GDAP1: variants seen among roughly 807,000 people sequenced by gnomAD.
The protein encoded by GDAP1 is ganglioside induced differentiation associated protein 1, also known as ganglioside-induced differentiation-associated protein 1.
A neutral mutation model predicts 40.1 loss-of-function variants in GDAP1; 34 were observed. That is an observed-to-expected ratio of 0.85 (90% CI 0.64 to 1.13). The LOEUF is 1.13. Among genes scored for constraint, GDAP1 ranks in the 50% most tolerant of loss-of-function variants. The pLI, the probability that GDAP1 is intolerant of heterozygous loss-of-function variation, is 0.00. For missense variants in GDAP1, 374 were observed against 433.7 expected, an observed-to-expected ratio of 0.86 and a Z score of 1.22; for synonymous variants, 170 against 157.4, an observed-to-expected ratio of 1.08 and a Z score of -0.60.
At chr8:74,416,631 C>T (rs1381579898) in intron 2 of GDAP1, among the ~76,000 whole-genome samples, 1 of 150,146 alleles carries the variant, frequency 6.7e-6, no homozygotes, top group Non-Finnish European at 1.5e-5. Flanking sequence ...CTGCCACCCC[C>T]ATCAGAGCTG....
Position 74,422,319 on chromosome 8 carries a change from T to C in GDAP1, c.166-66359T>C, listed in dbSNP as rs1483774965. The stretch of plus-strand genomic sequence containing the variant: ...TTTCTTTCTTTCTTTCTTTCTTTCT[T>C]TCTTTCTTTCTTTCTTTCTTTCTTT... On this transcript the variant is annotated intron_variant, in intron 2 of 2. Coordinates refer to the GDAP1 transcript ENST00000523640. 7.4e-5 allele frequency among the ~76,000 whole-genome samples: 4 copies of C among 54,190 alleles called. 1 individual carries two copies. The highest frequency in any genetic ancestry group is 4.2e-4 in the African/African-American group (4 of 9,546). 35.6% of individuals were successfully genotyped at this position (54,190 alleles called of 152,430 possible). A position where few individuals can be genotyped will look rare whatever the true frequency, so the allele number is the denominator to read the frequency against.
At chr8:74,414,078 C>G (rs1272931930) in intron 2 of GDAP1, among the ~76,000 whole-genome samples, 2 of 150,152 alleles carry the variant, frequency 1.3e-5, no homozygotes. Context: ...CAGAATAGTA[C>G]TGGTTTGTAA....
intron 2 of GDAP1, among the ~76,000 whole-genome samples, chr8:74,371,924 C>G (rs1488172900): frequency 1.3e-5 from 2 of 149,074 alleles, no homozygotes; most frequent in Non-Finnish European, 3.0e-5. Flanking sequence ...CCCTCCCCCC[C>G]CACCCCATGA....
chr8:74,407,203 A>G (rs1805651614), intron 2 of GDAP1, among the ~76,000 whole-genome samples: 1 of 149,986 alleles, frequency 6.7e-6, no homozygotes, highest in Non-Finnish European at 1.5e-5. Flanking sequence ...AGGCTCAGAC[A>G]GGAGGACTTC....
intron 2 of GDAP1, among the ~76,000 whole-genome samples, chr8:74,448,601 C>T (rs540216541): frequency 3.2e-4 from 48 of 152,036 alleles, no homozygotes; most frequent in East Asian, 1.7e-3. Context: ...TATTGTTGTT[C>T]GTTTTACTGT....
intron 2 of GDAP1, among the ~76,000 whole-genome samples, chr8:74,423,306 T>C (rs1805903666): frequency 6.8e-6 from 1 of 147,178 alleles, no homozygotes; most frequent in South Asian, 2.1e-4. Flanking sequence ...ATGTATACTA[T>C]ATATAATAGT....
chr8:74,378,305 A>G (rs1809892546), intron 2 of GDAP1, among the ~76,000 whole-genome samples: 2 of 152,184 alleles, frequency 1.3e-5, no homozygotes, highest in African/African-American at 2.4e-5. Context: ...TGTAGGTTAG[A>G]TGGAGAGCAT....
At chr8:74,445,599 G>A (rs1322628877) in intron 2 of GDAP1, among the ~76,000 whole-genome samples, 1 of 152,086 alleles carries the variant, frequency 6.6e-6, no homozygotes, top group African/African-American at 2.4e-5. Context: ...TATGCAATCA[G>A]TTTTCCTTTA....
At chr8:74,360,767 T>C (rs1809323239) in intron 3 of GDAP1, among the ~76,000 whole-genome samples, 1 of 152,210 alleles carries the variant, frequency 6.6e-6, no homozygotes, top group Non-Finnish European at 1.5e-5. Context: ...TCAGTGATAG[T>C]AGATTTATTG....
intron 2 of GDAP1, among the ~76,000 whole-genome samples, chr8:74,420,391 A>G (rs747008364): frequency 3.9e-4 from 60 of 152,122 alleles, no homozygotes; most frequent in Non-Finnish European, 1.8e-4. Context: ...CTTACTTTCT[A>G]CACTTAGGAA....
At chr8:74,481,021 A>G (rs112450874) in intron 2 of GDAP1, among the ~76,000 whole-genome samples, 3 of 152,366 alleles carry the variant, frequency 2.0e-5, no homozygotes, top group African/African-American at 7.2e-5. Context: ...CTTACAATGT[A>G]TCCTGAGTAC....
Position 74,366,311 on chromosome 8 carries a change from A to C in GDAP1, c.*1944A>C, listed in dbSNP as rs1398415990. 2.2e-6 allele frequency: 1 copy of C among 454,486 alleles called. No homozygotes were observed. Among genetic ancestry groups the C allele is most frequent in the African/African-American group, 2.0e-5 (1 of 50,120 alleles). The allele number at this position is 454,486 out of a possible 1,614,324, so 28.2% of individuals were successfully genotyped here. On this transcript the variant is annotated 3_prime_UTR_variant, in exon 6 of 6. Transcript: ENST00000220822. ...ATGTCGCTGTTTATCCAGTAGACTA[A>C]GATTGAGTGTTCTTTTTGTTCAGCA...
chr8:74,429,045 C>G (rs1206115343), intron 2 of GDAP1, among the ~76,000 whole-genome samples: 1 of 151,858 alleles, frequency 6.6e-6, no homozygotes, highest in Non-Finnish European at 1.5e-5. Context: ...GACATGAACT[C>G]ATCATTTTTT....
At chr8:74,423,203 A>G (rs942686381) in intron 2 of GDAP1, among the ~76,000 whole-genome samples, 81 of 147,366 alleles carry the variant, frequency 5.5e-4, no homozygotes, top group African/African-American at 1.9e-3. Context: ...TATATATAAC[A>G]AATAGTATAT....
chr8:74,468,715 A>G (rs1191210752), intron 2 of GDAP1, among the ~76,000 whole-genome samples: 1 of 152,204 alleles, frequency 6.6e-6, no homozygotes, highest in Non-Finnish European at 1.5e-5. Context: ...ATGCTCTTAT[A>G]TTCCAAGATA....
At chr8:74,456,561 A>C (rs952504859) in intron 2 of GDAP1, among the ~76,000 whole-genome samples, 3 of 151,916 alleles carry the variant, frequency 2.0e-5, no homozygotes, top group Admixed American at 2.0e-4. Flanking sequence ...AATGGTGCTG[A>C]TACTTCATCA....
At chr8:74,460,110 A>T (rs777891527) in intron 2 of GDAP1, among the ~76,000 whole-genome samples, 10 of 152,206 alleles carry the variant, frequency 6.6e-5, no homozygotes, top group Non-Finnish European at 1.5e-4. Flanking sequence ...GGATGCATAA[A>T]ACATGTTAAT....
rs1195348725 is a variant in GDAP1 at position 74,428,633 on chromosome 8, A to ATTTTTTTTTTTT, written c.166-60028_166-60017dup. Among the ~76,000 whole-genome samples, 8 of 42,848 alleles carry ATTTTTTTTTTTT rather than the reference A, an allele frequency of 1.9e-4. 3 individuals carry two copies. The highest frequency in any genetic ancestry group is 3.0e-4 in the African/African-American group (3 of 10,070). 28.1% of individuals were successfully genotyped at this position (42,848 alleles called of 152,430 possible). Reference sequence around the variant, plus strand: ...GGGCGTATGCCACCACACCCGGCTAATTTTTTTTTTTTTTTTTTTTTTTTT... The same window carrying ATTTTTTTTTTTT: ...GGGCGTATGCCACCACACCCGGCTAATTTTTTTTTTTTTTTTTTTTTTTTTTTTTTTTTTTTT... On this transcript the variant is annotated intron_variant, in intron 2 of 2. Coordinates refer to the GDAP1 transcript ENST00000523640.
intron 2 of GDAP1, among the ~76,000 whole-genome samples, chr8:74,380,775 G>A (rs1809939047): frequency 6.6e-6 from 1 of 152,018 alleles, no homozygotes. Flanking sequence ...TGCAGTTAAG[G>A]CCCAGGTGTA....
Sources: allele counts gnomAD v4.1 joint callset (sites outside exome capture counted in the v4.1 genomes callset), GRCh38; gene constraint gnomAD v4.1.1; transcripts MANE v1.5; gene names NCBI Gene and HGNC (gene_info 2026-07-23, HGNC 2026-07-21).